The following SLC8A1 variants were observed in gnomAD, a reference collection of about 807,000 sequenced individuals.
SLC8A1 encodes the protein sodium/calcium exchanger 1.
In SLC8A1, 18 loss-of-function variants were observed where a neutral mutation model predicts 68.3. The observed-to-expected ratio is 0.26, with a 90% confidence interval of 0.18 to 0.39. SLC8A1 has a LOEUF of 0.39. Ranked by LOEUF, SLC8A1 falls within the 10% of genes least tolerant of loss-of-function variation. The pLI, the probability that SLC8A1 is intolerant of heterozygous loss-of-function variation, is 1.00. For missense variants in SLC8A1, 985 were observed against 1,156.7 expected (o/e 0.85, Z 2.15); for synonymous variants, 475 against 415.5 (o/e 1.14, Z -1.74).
At chr2:40,171,883 G>C (rs2047553495) in intron 4 of SLC8A1, among the ~76,000 whole-genome samples, 1 of 152,214 alleles carries the variant, frequency 6.6e-6, no homozygotes, top group East Asian at 1.9e-4. Context: ...GGGAACAATA[G>C]GTAAAGATCT....
At chr2:40,154,623 A>T (rs1270809142) in intron 6 of SLC8A1, among the ~76,000 whole-genome samples, 2 of 151,600 alleles carry the variant, frequency 1.3e-5, no homozygotes, top group Non-Finnish European at 2.9e-5. Flanking sequence ...CACTGCGCCC[A>T]GCCAAAGTGG....
intron 7 of SLC8A1, among the ~76,000 whole-genome samples, chr2:40,122,841 G>C (rs2037221045): frequency 6.6e-6 from 1 of 152,072 alleles, no homozygotes; most frequent in South Asian, 2.1e-4. Context: ...TTTCATTTTT[G>C]CATGTTAACT....
rs147154672 is a variant in SLC8A1 at position 40,468,203 on chromosome 2, A to T, written c.-24-37899T>A. ...CTCCACTACTGACAATTATTTTATC[A>T]TGTACAAAGTATACTCATTCATTTT... is the stretch of plus-strand genomic sequence containing the variant. On this transcript the variant is annotated intron_variant, in intron 1 of 7. Coordinates refer to the SLC8A1 transcript ENST00000402441. Among the ~76,000 whole-genome samples the T allele has an allele frequency of 1.5e-3, 236 of 152,304 alleles. 2 individuals are homozygous for T. Among genetic ancestry groups the T allele is most frequent in the African/African-American group, 5.3e-3 (221 of 41,570 alleles).
At chr2:40,279,051 C>T (rs563124305) in intron 2 of SLC8A1, among the ~76,000 whole-genome samples, 1 of 152,232 alleles carries the variant, frequency 6.6e-6, no homozygotes, top group East Asian at 1.9e-4. Flanking sequence ...AACCCTGATT[C>T]AAGCCTGCAA....
At chr2:40,236,041 AGGTGT>A (rs1463577763) in intron 2 of SLC8A1, among the ~76,000 whole-genome samples, 8 of 151,884 alleles carry the variant, frequency 5.3e-5, no homozygotes, top group Admixed American at 2.0e-4. Context: ...ATTTTGGAAG[AGGTGT>A]GGTGTGGTGC....
chr2:40,141,333 G>T (rs2041525818), intron 6 of SLC8A1, among the ~76,000 whole-genome samples: 1 of 152,236 alleles, frequency 6.6e-6, no homozygotes, highest in South Asian at 2.1e-4. Flanking sequence ...AACATCTAAA[G>T]AGGAATGTCT....
intron 2 of SLC8A1, among the ~76,000 whole-genome samples, chr2:40,408,286 T>C (rs1448607243): frequency 6.6e-6 from 1 of 152,216 alleles, no homozygotes; most frequent in African/African-American, 2.4e-5. Flanking sequence ...TGTTGTTCTC[T>C]GTGAGATACA....
intron 2 of SLC8A1, among the ~76,000 whole-genome samples, chr2:40,401,587 A>AAAAG (rs1225860560): frequency 3.2e-5 from 4 of 125,484 alleles, no homozygotes; most frequent in East Asian, 2.1e-4. Flanking sequence ...AAAAAAAAAA[A>AAAAG]AAAGAAAGAA....
intron 2 of SLC8A1, among the ~76,000 whole-genome samples, chr2:40,331,208 T>A (rs2076371670): frequency 6.6e-6 from 1 of 152,242 alleles, no homozygotes; most frequent in African/African-American, 2.4e-5. Flanking sequence ...CTAAGCTTAG[T>A]GTCTGGCACA....
chr2:40,121,929 A>G (rs1445171841), intron 7 of SLC8A1, among the ~76,000 whole-genome samples: 1 of 152,224 alleles, frequency 6.6e-6, no homozygotes, highest in Non-Finnish European at 1.5e-5. Context: ...AAAAGACATT[A>G]GAGCTCTTTT....
chr2:40,427,883 C>A (rs1697292038), intron 2 of SLC8A1, among the ~76,000 whole-genome samples: 1 of 152,158 alleles, frequency 6.6e-6, no homozygotes, highest in South Asian at 2.1e-4. Flanking sequence ...GTTGGCATAA[C>A]ACTGAAGAAG....
chr2:40,175,350 A>G (rs1395394033), intron 3 of SLC8A1, 69 bp from the exon 4 acceptor site: 2 of 1,499,596 alleles, frequency 1.3e-6, no homozygotes, highest in Admixed American at 1.7e-5. Flanking sequence ...TAAGAGGAAT[A>G]TCAGCAGAAA....
intron 7 of SLC8A1, among the ~76,000 whole-genome samples, chr2:40,122,081 A>G (rs1216680005): frequency 6.6e-6 from 1 of 152,028 alleles, no homozygotes; most frequent in African/African-American, 2.4e-5. Context: ...AATAGTGTTT[A>G]CTTATGTACT....
At chr2:40,443,142 ATACC>A (rs1342437202) in intron 1 of SLC8A1, among the ~76,000 whole-genome samples, 2 of 152,144 alleles carry the variant, frequency 1.3e-5, no homozygotes, top group Non-Finnish European at 2.9e-5. Context: ...ATTAGGACAA[ATACC>A]TAACGCATGC....
intron 2 of SLC8A1, among the ~76,000 whole-genome samples, chr2:40,324,066 C>G (rs1362432010): frequency 6.6e-6 from 1 of 151,160 alleles, no homozygotes; most frequent in African/African-American, 2.4e-5. Flanking sequence ...ATGTGTAAAC[C>G]AAGATTGTCT....
At chr2:40,452,123 G>C (rs2149881562), upstream of SLC8A1, 1 of 140,560 alleles carries the variant, frequency 7.1e-6, no homozygotes, top group Non-Finnish European at 1.6e-5. Flanking sequence ...CGGGAGGCAG[G>C]CGCGGAGGCC....
At chr2:40,219,749 A>G (rs2058034691) in intron 2 of SLC8A1, among the ~76,000 whole-genome samples, 1 of 152,242 alleles carries the variant, frequency 6.6e-6, no homozygotes, top group African/African-American at 2.4e-5. Context: ...TTTGAGAAAT[A>G]GAAAAGAATC....
intron 2 of SLC8A1, among the ~76,000 whole-genome samples, chr2:40,279,810 C>G (rs1260245551): frequency 1.3e-5 from 2 of 152,142 alleles, no homozygotes; most frequent in African/African-American, 4.8e-5. Flanking sequence ...TCACGTGCCC[C>G]CAACATGCAC....
At chr2:40,490,864 A>C (rs1188073768) in intron 1 of SLC8A1, among the ~76,000 whole-genome samples, 1 of 152,098 alleles carries the variant, frequency 6.6e-6, no homozygotes, top group Non-Finnish European at 1.5e-5. Context: ...TATTATAGAG[A>C]ATCATATGCA....
Sources: gnomAD v4.1 joint callset for allele counts (sites outside exome capture counted in the v4.1 genomes callset) on GRCh38, gnomAD v4.1.1 for gene constraint, MANE v1.5 for transcripts, NCBI Gene and HGNC (gene_info 2026-07-23, HGNC 2026-07-21) for gene names.